GPR26: variants seen among roughly 807,000 people sequenced by gnomAD.
The protein encoded by GPR26 is G protein-coupled receptor 26.
Under a neutral mutation model 23.1 loss-of-function variants are expected in GPR26, and 15 were observed. That is an observed-to-expected ratio of 0.65 (90% CI 0.43 to 1.00). The LOEUF (loss-of-function observed/expected upper bound fraction) is 1.00, where lower values mean the gene tolerates loss of function less well. Among genes scored for constraint, GPR26 ranks in the 50% least tolerant of loss-of-function variants. The pLI is 0.00. For missense variants in GPR26, 359 were observed against 470.5 expected (o/e 0.76, Z 2.19); for synonymous variants, 228 against 222.1 (o/e 1.03, Z -0.24).
chr10:123,674,985 A>T lies in GPR26; in HGVS notation c.782+54A>T, dbSNP rs951516534. 9.0e-7 allele frequency: 1 copy of T among 1,113,470 alleles called. No homozygotes were observed. Among genetic ancestry groups the T allele is most frequent in the Non-Finnish European group, 1.4e-6 (1 of 738,580 alleles). The allele number at this position is 1,113,470 out of a possible 1,614,324, so 69.0% of individuals were successfully genotyped here. A position where few individuals can be genotyped will look rare whatever the true frequency, so the allele number is the denominator to read the frequency against. On this transcript the variant is annotated intron_variant, in intron 2 of 2. Coordinates refer to ENST00000284674, the MANE Select transcript of GPR26 (RefSeq NM_153442.4). The surrounding 1 kb of genome is among the most constrained non-coding windows in gnomAD (Gnocchi z 4.1). Reference sequence around the variant, plus strand: ...GACTTTGAAGAGTAAGGCAGGGCCCAGTGACCTTTAGCAGTGGCAGCCTCT... The same window carrying T: ...GACTTTGAAGAGTAAGGCAGGGCCCTGTGACCTTTAGCAGTGGCAGCCTCT...
chr10:123,666,731 G>A lies in GPR26; in HGVS notation c.324G>A (p.Val108=). Residue 108 remains valine, a synonymous_variant, in exon 1 of 3, where the codon GTG becomes GTA. Coordinates refer to ENST00000284674, the MANE Select transcript of GPR26 (RefSeq NM_153442.4). The part of the protein sequence containing the change: ...AALSIDRWVA[V]VFPLSYRAKM... Reference sequence around the variant, plus strand: ...TCAGCATCGACCGCTGGGTGGCCGTGGTCTTCCCGCTGAGCTACCGGGCCA... The same window carrying A: ...TCAGCATCGACCGCTGGGTGGCCGTAGTCTTCCCGCTGAGCTACCGGGCCA... The A allele has an allele frequency of 2.5e-6, 4 of 1,598,386 alleles. No homozygotes were observed. The highest frequency in any genetic ancestry group is 3.4e-6 in the Non-Finnish European group (4 of 1,177,230).
rs914594024 is a variant in GPR26 at position 123,691,560 on chromosome 10, T to G, written c.*3400T>G. The G allele has an allele frequency of 1.3e-5, 2 of 152,088 alleles. No individual in the cohort carries two copies. Among genetic ancestry groups the G allele is most frequent in the African/African-American group, 4.8e-5 (2 of 41,406 alleles). The allele number at this position is 152,088 out of a possible 1,614,324, so 9.4% of individuals were successfully genotyped here. ...CTTGGAGGAACCAAAGGCTGTGCATTGTTAGAATTTAGCCCAGATGCAGGA... is the reference window on the plus strand; with the variant it reads ...CTTGGAGGAACCAAAGGCTGTGCATGGTTAGAATTTAGCCCAGATGCAGGA... On this transcript the variant is annotated 3_prime_UTR_variant, in exon 3 of 3. Coordinates refer to ENST00000284674, the MANE Select transcript of GPR26 (RefSeq NM_153442.4).
At chr10:123,667,161 C>T (rs894083172) in intron 1 of GPR26, 86 bp downstream of exon 1, 1 of 995,276 alleles carries the variant, frequency 1.0e-6, no homozygotes, top group Non-Finnish European at 1.4e-6. Context: ...GGGCTCTTTT[C>T]CACCGAGCCT....
chr10:123,680,631 G>A (rs1379658853), intron 2 of GPR26, among the ~76,000 whole-genome samples: 1 of 152,160 alleles, frequency 6.6e-6, no homozygotes, highest in African/African-American at 2.4e-5. Flanking sequence ...CACCAAGGCA[G>A]TGACAGGCTG....
intron 2 of GPR26, among the ~76,000 whole-genome samples, chr10:123,679,897 C>A (rs1845350414): frequency 6.6e-6 from 1 of 152,218 alleles, no homozygotes; most frequent in Non-Finnish European, 1.5e-5. Flanking sequence ...CCTGGACTCC[C>A]ATCAGCCCAC....
chr10:123,677,300 T>G (rs906487853), intron 2 of GPR26, among the ~76,000 whole-genome samples: 5 of 152,204 alleles, frequency 3.3e-5, no homozygotes, highest in African/African-American at 1.2e-4. Flanking sequence ...TTGATGCATC[T>G]TGGGTTTTAA....
At chr10:123,668,492 A>G (rs758380164) in intron 1 of GPR26, among the ~76,000 whole-genome samples, 1 of 152,230 alleles carries the variant, frequency 6.6e-6, no homozygotes, top group Non-Finnish European at 1.5e-5. Context: ...GTTCACACAT[A>G]AACTGTATAT....
chr10:123,681,705 T>C (rs1179593506), intron 2 of GPR26, among the ~76,000 whole-genome samples: 1 of 152,234 alleles, frequency 6.6e-6, no homozygotes, highest in East Asian at 1.9e-4. Context: ...CATTTGCCTG[T>C]TAACTTTCTC....
chr10:123,693,761 G>A lies in GPR26; in HGVS notation c.*5601G>A, dbSNP rs576790677. On this transcript the variant is annotated 3_prime_UTR_variant, in exon 3 of 3. Transcript: ENST00000284674. ...CCACAAATGCGGAGTGAAAGAGCAGGAGCCAGACACATTTGGGGGTTGACT... is the reference window on the plus strand; with the variant it reads ...CCACAAATGCGGAGTGAAAGAGCAGAAGCCAGACACATTTGGGGGTTGACT... 1 of 152,340 alleles carries A rather than the reference G, an allele frequency of 6.6e-6. No homozygotes were observed. Among genetic ancestry groups the A allele is most frequent in the East Asian group, 1.9e-4 (1 of 5,176 alleles). 9.4% of individuals were successfully genotyped at this position (152,340 alleles called of 1,614,324 possible). A position where few individuals can be genotyped will look rare whatever the true frequency, so the allele number is the denominator to read the frequency against.
At chr10:123,676,121 G>T (rs1401632604) in intron 2 of GPR26, among the ~76,000 whole-genome samples, 1 of 96,318 alleles carries the variant, frequency 1.0e-5, no homozygotes, top group African/African-American at 4.5e-5. Flanking sequence ...CTACTCACAG[G>T]AGCCCCCTGT....
intron 1 of GPR26, among the ~76,000 whole-genome samples, chr10:123,673,826 C>A (rs1370253646): frequency 9.2e-5 from 14 of 152,206 alleles, no homozygotes; most frequent in Admixed American, 9.2e-4. Context: ...TTGAGTCATG[C>A]ACGAGGGTTC....
chr10:123,681,842 T>C (rs1162880418), intron 2 of GPR26, among the ~76,000 whole-genome samples: 2 of 152,224 alleles, frequency 1.3e-5, no homozygotes, highest in Non-Finnish European at 2.9e-5. Context: ...AGTGAACACC[T>C]GCCAAGCACC....
At chr10:123,679,259 C>T (rs1461787230) in intron 2 of GPR26, among the ~76,000 whole-genome samples, 1 of 152,138 alleles carries the variant, frequency 6.6e-6, no homozygotes, top group Non-Finnish European at 1.5e-5. Flanking sequence ...CTGGTTGCAC[C>T]ATGCAGACCA....
chr10:123,678,728 A>C (rs1845335348), intron 2 of GPR26, among the ~76,000 whole-genome samples: 1 of 152,026 alleles, frequency 6.6e-6, no homozygotes, highest in African/African-American at 2.4e-5. Flanking sequence ...ATTTATATTT[A>C]CTGCACCAGG....
chr10:123,690,520 C>T lies in GPR26; in HGVS notation c.*2360C>T, dbSNP rs968189035. 1 of 152,186 alleles carries T rather than the reference C, an allele frequency of 6.6e-6. No individual in the cohort carries two copies. The highest frequency in any genetic ancestry group is 1.5e-5 in the Non-Finnish European group (1 of 68,040). The allele number at this position is 152,186 out of a possible 1,614,324, so 9.4% of individuals were successfully genotyped here. On this transcript the variant is annotated 3_prime_UTR_variant, in exon 3 of 3. Transcript: ENST00000284674. The stretch of plus-strand genomic sequence containing the variant: ...GCCAAGAAGCAAGATCTGTCACCCA[C>T]AACACCACATATCTTGAAAAGATGC...
chr10:123,675,401 G>T (rs979586167), intron 2 of GPR26, among the ~76,000 whole-genome samples: 1 of 152,168 alleles, frequency 6.6e-6, no homozygotes, highest in African/African-American at 2.4e-5. Context: ...GGAGCAGGTA[G>T]CATGCTCTGT....
Position 123,666,931 on chromosome 10 carries a change from C to G in GPR26, c.524C>G (p.Ala175Gly). The G allele has an allele frequency of 6.2e-7, 1 of 1,613,540 alleles. No homozygotes were observed. The highest frequency in any genetic ancestry group is 1.1e-5 in the South Asian group (1 of 91,076). The stretch of plus-strand genomic sequence containing the variant: ...CTGCGCTTCGCCGTCTTCACTGGCG[C>G]CTTCCACGCTCTCAGCTTCCTGCTC... ...ERLRFAVFTG[A>G]FHALSFLLSF... Residue 175 changes from alanine (A) to glycine (G), a missense_variant, in exon 1 of 3, where the codon GCC becomes GGC. Transcript: ENST00000284674.
rs144327726 is a variant in GPR26 at position 123,681,275 on chromosome 10, C to T, written c.782+6344C>T. ...GCCGTGCCCAGCCCCTCACAATGAC[C>T]GCTCTGCTTCTTCTCTCAGCAGAAG... On this transcript the variant is annotated intron_variant, in intron 2 of 2. Transcript: ENST00000284674. 4.3e-4 allele frequency among the ~76,000 whole-genome samples: 65 copies of T among 152,270 alleles called. 1 individual carries two copies. Among genetic ancestry groups the T allele is most frequent in the Admixed American group, 3.2e-3 (49 of 15,298 alleles).
chr10:123,678,213 C>T (rs1845330628), intron 2 of GPR26, among the ~76,000 whole-genome samples: 2 of 152,184 alleles, frequency 1.3e-5, no homozygotes, highest in South Asian at 2.1e-4. Context: ...AGGTGACACC[C>T]GTGCCTGCCT....
Sources: gnomAD v4.1 joint callset for allele counts (sites outside exome capture counted in the v4.1 genomes callset) on GRCh38, gnomAD v4.1.1 for gene constraint, Gnocchi (gnomAD v3.1) non-coding constraint, MANE v1.5 for transcripts, NCBI Gene and HGNC (gene_info 2026-07-23, HGNC 2026-07-21) for gene names.